Variants in COX7B2 observed in about 807,000 individuals in gnomAD.
COX7B2 encodes cytochrome c oxidase subunit 7B2, mitochondrial.
For synonymous variants in COX7B2, 37 were observed against 32.1 expected, an observed-to-expected ratio of 1.15 and a Z score of -0.51; for missense variants, 109 against 95.9, an observed-to-expected ratio of 1.14 and a Z score of -0.57.
rs138782679 is a variant in COX7B2, at chr4:46,749,719, C to G, written c.-49-14478G>C. On this transcript the variant is annotated intron_variant, in intron 2 of 2. Coordinates refer to ENST00000355591, the MANE Select transcript of COX7B2 (RefSeq NM_130902.3). ...ATTCATCTAATGGATGTTAGAAATA[C>G]TTTTTCACTGATGAGATGAATGATA... is the stretch of plus-strand genomic sequence containing the variant. 6.9e-3 allele frequency among the ~76,000 whole-genome samples: 1,043 copies of G among 152,188 alleles called. 12 individuals are homozygous for G. Among genetic ancestry groups the G allele is most frequent in the African/African-American group, 0.024 (998 of 41,532 alleles).
At chr4:46,837,583 A>G (rs1715605029) in intron 2 of COX7B2, among the ~76,000 whole-genome samples, 1 of 152,016 alleles carries the variant, frequency 6.6e-6, no homozygotes, top group Non-Finnish European at 1.5e-5. Flanking sequence ...AATGTTGGAA[A>G]TGGGTAGTGG....
At chr4:46,846,770 G>C (rs1252657835) in intron 1 of COX7B2, among the ~76,000 whole-genome samples, 1 of 152,070 alleles carries the variant, frequency 6.6e-6, no homozygotes, top group Non-Finnish European at 1.5e-5. Flanking sequence ...GAAATGGTCA[G>C]AGACTGAATA....
At chr4:46,861,247 G>T (rs1717317420) in intron 1 of COX7B2, among the ~76,000 whole-genome samples, 2 of 152,128 alleles carry the variant, frequency 1.3e-5, no homozygotes, top group African/African-American at 4.8e-5. Flanking sequence ...GGTGAATGCA[G>T]TTATCACTCC....
At chr4:46,892,020 C>T (rs185207097) in intron 1 of COX7B2, among the ~76,000 whole-genome samples, 170 of 152,242 alleles carry the variant, frequency 1.1e-3, no homozygotes, top group African/African-American at 3.9e-3. Flanking sequence ...TCAGGAGAGA[C>T]CATCCTAAGG....
At chr4:46,802,803 T>A (rs180834722) in intron 2 of COX7B2, among the ~76,000 whole-genome samples, 24 of 152,254 alleles carry the variant, frequency 1.6e-4, no homozygotes, top group Non-Finnish European at 1.9e-4. Context: ...GCTTAAATTA[T>A]CCCCACAACT....
intron 2 of COX7B2, among the ~76,000 whole-genome samples, chr4:46,813,412 A>G (rs1420490269): frequency 6.6e-6 from 1 of 152,170 alleles, no homozygotes; most frequent in Admixed American, 6.5e-5. Context: ...CTTCAAAAGC[A>G]CAGATAATGA....
intron 2 of COX7B2, among the ~76,000 whole-genome samples, chr4:46,763,196 A>C (rs1013412148): frequency 2.2e-5 from 3 of 138,646 alleles, no homozygotes; most frequent in African/African-American, 8.0e-5. Context: ...AATATATAAT[A>C]TATGATATTA....
intron 1 of COX7B2, among the ~76,000 whole-genome samples, chr4:46,865,498 G>A (rs1442271646): frequency 6.6e-6 from 1 of 152,098 alleles, no homozygotes; most frequent in Non-Finnish European, 1.5e-5. Context: ...GCTCAATTTG[G>A]TACAGAGATG....
At chr4:46,740,790 T>G (rs1714660033) in intron 2 of COX7B2, among the ~76,000 whole-genome samples, 1 of 152,094 alleles carries the variant, frequency 6.6e-6, no homozygotes, top group African/African-American at 2.4e-5. Flanking sequence ...TCAGATCAAT[T>G]TAGTAAGTAA....
At chr4:46,802,274 G>A (rs145854874) in intron 2 of COX7B2, among the ~76,000 whole-genome samples, 57 of 152,204 alleles carry the variant, frequency 3.7e-4, no homozygotes, top group African/African-American at 1.2e-3. Context: ...CCTATATTGT[G>A]GTTTTGTCTG....
intron 2 of COX7B2, among the ~76,000 whole-genome samples, chr4:46,776,329 CTGGACTATA>C (rs1717150651): frequency 6.6e-6 from 1 of 151,674 alleles, no homozygotes; most frequent in Admixed American, 6.6e-5. Context: ...GTTAAAATAT[CTGGACTATA>C]TCCTAATGGC....
intron 1 of COX7B2, among the ~76,000 whole-genome samples, chr4:46,857,962 T>C (rs1411763961): frequency 6.6e-6 from 1 of 152,226 alleles, no homozygotes; most frequent in African/African-American, 2.4e-5. Flanking sequence ...CTAATTTAAC[T>C]AGCATGTTTT....
chr4:46,771,196 C>T (rs1325094710), intron 2 of COX7B2, among the ~76,000 whole-genome samples: 5 of 152,096 alleles, frequency 3.3e-5, no homozygotes, highest in South Asian at 2.1e-4. Flanking sequence ...AAACTGCTAA[C>T]GCGTGTATGG....
At chr4:46,748,006 T>A (rs570440057) in intron 2 of COX7B2, among the ~76,000 whole-genome samples, 2 of 152,358 alleles carry the variant, frequency 1.3e-5, no homozygotes, top group Admixed American at 1.3e-4. Context: ...GAATTAACAG[T>A]ATCTAAAGTG....
chr4:46,736,073 C>T (rs565360042), intron 2 of COX7B2, among the ~76,000 whole-genome samples: 281 of 152,192 alleles, frequency 1.8e-3, no homozygotes, highest in Middle Eastern at 0.014. Flanking sequence ...TGATATTGTA[C>T]ATTCTATAGG....
intron 2 of COX7B2, among the ~76,000 whole-genome samples, chr4:46,833,095 G>A (rs1452017469): frequency 6.6e-6 from 1 of 152,042 alleles, no homozygotes; most frequent in African/African-American, 2.4e-5. Flanking sequence ...AGTAGAGACG[G>A]GATTTCTCCA....
intron 2 of COX7B2, among the ~76,000 whole-genome samples, chr4:46,796,288 AGG>A (rs1718336775): frequency 6.8e-6 from 1 of 146,486 alleles, no homozygotes; most frequent in Admixed American, 6.8e-5. Context: ...CGGTTTTCAA[AGG>A]GAATGCTTCC....
In COX7B2 at chr4:46,905,817, T is replaced by TTTC. The variant is rs1192346914; in HGVS notation, c.-105+3342_-105+3343insGAA. On this transcript the variant is annotated intron_variant, in intron 1 of 2. Transcript: ENST00000355591. ...CATCTCTGATAAGCATATATTTCTT[T>TTTC]TTTTTTTTTTTTTTTTTTTTTTTGA... 1.7e-4 allele frequency among the ~76,000 whole-genome samples: 18 copies of TTTC among 103,608 alleles called. 2 individuals carry two copies. Among genetic ancestry groups the TTTC allele is most frequent in the African/African-American group, 7.3e-4 (18 of 24,712 alleles). The allele number at this position is 103,608 out of a possible 152,430, so 68.0% of individuals were successfully genotyped here. A position where few individuals can be genotyped will look rare whatever the true frequency, so the allele number is the denominator to read the frequency against.
intron 2 of COX7B2, among the ~76,000 whole-genome samples, chr4:46,826,187 A>G (rs928736673): frequency 7.9e-5 from 12 of 152,088 alleles, no homozygotes; most frequent in African/African-American, 2.7e-4. Flanking sequence ...GAGAAAAACA[A>G]CCCCATTAAA....
Sources: allele counts gnomAD v4.1 joint callset (sites outside exome capture counted in the v4.1 genomes callset), GRCh38; gene constraint gnomAD v4.1.1; transcripts MANE v1.5; gene names NCBI Gene and HGNC (gene_info 2026-07-23, HGNC 2026-07-21).